DPPA3: variants seen among roughly 807,000 people sequenced by gnomAD.
The protein encoded by DPPA3 is developmental pluripotency-associated protein 3.
In DPPA3, 9 loss-of-function variants were observed where a neutral mutation model predicts 15.6. That is an observed-to-expected ratio of 0.58 (90% CI 0.35 to 1.01). DPPA3 has a LOEUF of 1.01. Ranked by LOEUF, DPPA3 falls within the 50% of genes least tolerant of loss-of-function variation. DPPA3 has a pLI of 0.02. For synonymous variants in DPPA3, 61 were observed against 70.9 expected, an observed-to-expected ratio of 0.86 and a Z score of 0.70; for missense variants, 148 against 194.6, an observed-to-expected ratio of 0.76 and a Z score of 1.42.
chr12:7,713,302 A>G (rs940727964), intron 1 of DPPA3, among the ~76,000 whole-genome samples: 5 of 152,204 alleles, frequency 3.3e-5, no homozygotes, highest in African/African-American at 1.2e-4. Context: ...CTGCGTCCAG[A>G]AGAAAGAATG....
chr12:7,716,246 A>G lies in DPPA3; in HGVS notation c.369+7A>G, dbSNP rs752277429. On this transcript the variant is annotated splice_region_variant and intron_variant, in intron 3 of 3. Transcript: ENST00000345088. ...GGAGCCTAAGGGAGTTAAGGTAAGT[A>G]TAATTTTTTTCTTTTTATTTTCCTT... 8.9e-6 allele frequency: 14 copies of G among 1,565,254 alleles called. No homozygotes were observed. The highest frequency in any genetic ancestry group is 1.2e-5 in the South Asian group (1 of 81,606).
chr12:7,714,809 T>A (rs964062290), intron 1 of DPPA3, among the ~76,000 whole-genome samples: 1 of 151,926 alleles, frequency 6.6e-6, no homozygotes, highest in Non-Finnish European at 1.5e-5. Context: ...ACCTCCTGGG[T>A]TCACACCATT....
chr12:7,714,808 G>A (rs796408063), intron 1 of DPPA3, among the ~76,000 whole-genome samples: 6 of 151,964 alleles, frequency 3.9e-5, no homozygotes, highest in African/African-American at 1.4e-4. Context: ...CACCTCCTGG[G>A]TTCACACCAT....
chr12:7,716,966 GA>G lies in DPPA3; in HGVS notation c.371del (p.Lys124ArgfsTer26). ...PTNKEPKGVK[K>X]ESRPFKCPCS... ...TAATCCATTTCATCATTTTTTTTCA[GA>G]AGGAATCAAGACCATTCAAATGTCC... On this transcript the variant is annotated frameshift_variant and splice_region_variant, in exon 4 of 4. Transcript: ENST00000345088. LOFTEE classifies it low-confidence loss of function (END_TRUNC). 6.2e-7 allele frequency: 1 copy of G among 1,609,886 alleles called. No homozygotes were observed. The highest frequency in any genetic ancestry group is 8.5e-7 in the Non-Finnish European group (1 of 1,177,114).
At chr12:7,711,718 GTCTTTTTTTTTTTTTTT>G in intron 1 of DPPA3, 66 bp downstream of exon 1, 1 of 559,780 alleles carries the variant, frequency 1.8e-6, no homozygotes. Context: ...AAAGGCTGCC[GTCTTTTTTTTTTTTTTT>G]TTTTTTTTTT....
chr12:7,714,451 C>T (rs1364821010), intron 1 of DPPA3, among the ~76,000 whole-genome samples: 1 of 152,112 alleles, frequency 6.6e-6, no homozygotes, highest in Non-Finnish European at 1.5e-5. Context: ...AGTTTAAACC[C>T]GTGTTGTTCA....
intron 1 of DPPA3, among the ~76,000 whole-genome samples, chr12:7,713,915 A>G (rs925403879): frequency 1.3e-5 from 2 of 152,206 alleles, no homozygotes; most frequent in Non-Finnish European, 2.9e-5. Flanking sequence ...CTGGACGCTG[A>G]GGTGGGAGGA....
chr12:7,711,526 C>T lies in DPPA3; in HGVS notation c.-45C>T. 1.9e-6 allele frequency: 3 copies of T among 1,563,928 alleles called. No homozygotes were observed. The highest frequency in any genetic ancestry group is 2.6e-6 in the Non-Finnish European group (3 of 1,152,322). The stretch of plus-strand genomic sequence containing the variant: ...GAGGCTCTGTCATCAGTTTCTGCTA[C>T]GTTTCAAAGATCCTGGAGAAGCCTA... On this transcript the variant is annotated 5_prime_UTR_variant, in exon 1 of 4. The change creates a new upstream start codon in the 5' untranslated region. Coordinates refer to ENST00000345088, the MANE Select transcript of DPPA3 (RefSeq NM_199286.4).
rs2136889823 is a variant in DPPA3 at position 7,711,624 on chromosome 12, C to T, written c.54C>T (p.Leu18=). The T allele has an allele frequency of 6.2e-7, 1 of 1,612,498 alleles. No homozygotes were observed. Among genetic ancestry groups the T allele is most frequent in the Non-Finnish European group, 8.5e-7 (1 of 1,179,220 alleles). ...ACATCCCAGGGTCTCCACAAATGCT[C>T]ACCGAAGAAAATTCCCGGGACGATT... ...PTYIPGSPQM[L]TEENSRDDSG... The change falls in exon 1 of 4, where the codon CTC becomes CTT. Residue 18 remains leucine, a synonymous_variant. Transcript: ENST00000345088.
Position 7,713,300 on chromosome 12 carries a change from A to G in DPPA3, c.82+1648A>G, listed in dbSNP as rs115147273. 5.7e-3 allele frequency among the ~76,000 whole-genome samples: 875 copies of G among 152,354 alleles called. 11 individuals carry two copies. Among genetic ancestry groups the G allele is most frequent in the African/African-American group, 0.02 (821 of 41,590 alleles). On this transcript the variant is annotated intron_variant, in intron 1 of 3. Transcript: ENST00000345088. Reference sequence around the variant, plus strand: ...GGTCTTAGCTGTGTCCCCTGCGTCCAGAAGAAAGAATGCTGGTCTATATAT... The same window carrying G: ...GGTCTTAGCTGTGTCCCCTGCGTCCGGAAGAAAGAATGCTGGTCTATATAT...
At chr12:7,716,668 CAG>C (rs1370556813) in intron 3 of DPPA3, among the ~76,000 whole-genome samples, 2 of 152,166 alleles carry the variant, frequency 1.3e-5, no homozygotes, top group East Asian at 3.8e-4. Context: ...AACACTTCAG[CAG>C]AGTGTCTAGT....
chr12:7,712,109 G>T (rs1339217598), intron 1 of DPPA3, among the ~76,000 whole-genome samples: 1 of 117,578 alleles, frequency 8.5e-6, no homozygotes, highest in Non-Finnish European at 1.8e-5. Flanking sequence ...TAGAGACGGG[G>T]TTTCACCGTG....
At chr12:7,714,873 C>T (rs1342809587) in intron 1 of DPPA3, among the ~76,000 whole-genome samples, 3 of 152,072 alleles carry the variant, frequency 2.0e-5, no homozygotes, top group Admixed American at 2.0e-4. Context: ...CCACAACGCC[C>T]GGCTAATTTT....
chr12:7,716,288 A>G lies in DPPA3; in HGVS notation c.369+49A>G, dbSNP rs781222378. On this transcript the variant is annotated intron_variant, in intron 3 of 3. Coordinates refer to ENST00000345088, the MANE Select transcript of DPPA3 (RefSeq NM_199286.4). ...ATTTTCCTTTTTTTTTTTTGGCTATATATGTGGATGGGTATCTGGTTTGTT... is the reference window on the plus strand; with the variant it reads ...ATTTTCCTTTTTTTTTTTTGGCTATGTATGTGGATGGGTATCTGGTTTGTT... The G allele has an allele frequency of 7.2e-5, 85 of 1,174,794 alleles. 5 individuals are homozygous for G. The South Asian group carries it at 1.1e-3, about 16-fold the overall frequency. 72.8% of individuals were successfully genotyped at this position (1,174,794 alleles called of 1,614,324 possible). A position where few individuals can be genotyped will look rare whatever the true frequency, so the allele number is the denominator to read the frequency against.
chr12:7,715,197 T>C lies in DPPA3; in HGVS notation c.97T>C (p.Ser33Pro), dbSNP rs748053839. ...TTCTCTTTCAGGGGCCTCTCAAATCTCCTCCGAGACGTTGATAAAGAACCT... is the reference window on the plus strand; with the variant it reads ...TTCTCTTTCAGGGGCCTCTCAAATCCCCTCCGAGACGTTGATAAAGAACCT... The part of the protein sequence containing the change: ...SRDDSGASQI[S>P]SETLIKNLSN... The change falls in exon 2 of 4, where the codon TCC becomes CCC. Residue 33 changes from serine to proline, a missense_variant. Coordinates refer to ENST00000345088, the MANE Select transcript of DPPA3 (RefSeq NM_199286.4). 12 of 1,613,148 alleles carry C rather than the reference T, an allele frequency of 7.4e-6. No homozygotes were observed. Among genetic ancestry groups the C allele is most frequent in the Non-Finnish European group, 1.0e-5 (12 of 1,179,346 alleles).
chr12:7,712,283 G>A (rs1864354125), intron 1 of DPPA3, among the ~76,000 whole-genome samples: 1 of 151,184 alleles, frequency 6.6e-6, no homozygotes, highest in South Asian at 2.1e-4. Context: ...GGCTCGTAGC[G>A]TCGTTGCATC....
chr12:7,715,487 A>G, intron 2 of DPPA3, 60 bp downstream of exon 2: 1 of 1,611,052 alleles, frequency 6.2e-7, no homozygotes, highest in East Asian at 2.2e-5. Flanking sequence ...TCATAAATTA[A>G]GACCTAATTA....
rs1555101531 is a variant in DPPA3 at position 7,712,077 on chromosome 12, G to GT, written c.82+436dup. Among the ~76,000 whole-genome samples the GT allele has an allele frequency of 2.3e-4, 18 of 77,978 alleles. 1 individual carries two copies. Among genetic ancestry groups the GT allele is most frequent in the African/African-American group, 6.5e-4 (13 of 20,144 alleles). 51.2% of individuals were successfully genotyped at this position (77,978 alleles called of 152,430 possible). ...ACTACAGGCGCCCGCCACCGCGCCC[G>GT]TTTTTTTTTTTGTATTTTTGGTAGA... On this transcript the variant is annotated intron_variant, in intron 1 of 3. Transcript: ENST00000345088.
intron 3 of DPPA3, among the ~76,000 whole-genome samples, chr12:7,716,514 A>G (rs1177036955): frequency 6.6e-6 from 1 of 152,100 alleles, no homozygotes; most frequent in African/African-American, 2.4e-5. Flanking sequence ...CCAGAATTGC[A>G]CACTTTGCAG....
Sources: allele counts gnomAD v4.1 joint callset (sites outside exome capture counted in the v4.1 genomes callset), GRCh38; gene constraint gnomAD v4.1.1; transcripts MANE v1.5; gene names NCBI Gene and HGNC (gene_info 2026-07-23, HGNC 2026-07-21).